RYR2: variants seen among roughly 807,000 people sequenced by gnomAD.
RYR2 encodes the protein cardiac muscle ryanodine receptor-calcium release channel.
RYR2 carries 227 observed loss-of-function variants against 601.1 expected under a neutral mutation model. The observed-to-expected ratio is 0.38, with a 90% CI of 0.34 to 0.42. RYR2 has a LOEUF of 0.42. Ranked by LOEUF, RYR2 falls within the 10% of genes least tolerant of loss-of-function variation. The pLI, the probability that RYR2 is intolerant of heterozygous loss-of-function variation, is 1.00. For missense variants in RYR2, 4,646 were observed against 6,156.5 expected, an observed-to-expected ratio of 0.75 and a Z score of 8.21; for synonymous variants, 2,223 against 2,175.1, an observed-to-expected ratio of 1.02 and a Z score of -0.61.
chr1:237,779,751 C>G (rs939138324), intron 88 of RYR2, among the ~76,000 whole-genome samples: 2 of 152,150 alleles, frequency 1.3e-5, no homozygotes, highest in African/African-American at 4.8e-5. Context: ...CGAATAAGGA[C>G]AGATTTTAAT....
At chr1:237,275,595 T>G (rs1029797410) in intron 2 of RYR2, among the ~76,000 whole-genome samples, 1 of 151,532 alleles carries the variant, frequency 6.6e-6, no homozygotes, top group Non-Finnish European at 1.5e-5. Context: ...CCTCAGAAGT[T>G]GCAAAGAGAA....
At chr1:237,489,730 T>C (rs1663112583) in intron 17 of RYR2, among the ~76,000 whole-genome samples, 1 of 152,158 alleles carries the variant, frequency 6.6e-6, no homozygotes, top group Non-Finnish European at 1.5e-5. Flanking sequence ...AGTTTGGAGA[T>C]TTATCAAAAA....
At chr1:237,368,057 A>G (rs1700344533) in intron 5 of RYR2, among the ~76,000 whole-genome samples, 1 of 152,148 alleles carries the variant, frequency 6.6e-6, no homozygotes, top group Admixed American at 6.5e-5. Flanking sequence ...GGGGAGAGTG[A>G]GTAGCTTTGA....
At chr1:237,152,785 A>G (rs1674872748) in intron 1 of RYR2, among the ~76,000 whole-genome samples, 1 of 152,208 alleles carries the variant, frequency 6.6e-6, no homozygotes, top group South Asian at 2.1e-4. Flanking sequence ...AGCAATTGCA[A>G]CAAAAGCTGA....
intron 1 of RYR2, among the ~76,000 whole-genome samples, chr1:237,074,109 G>A (rs1476487257): frequency 6.6e-6 from 1 of 151,994 alleles, no homozygotes; most frequent in African/African-American, 2.4e-5. Flanking sequence ...TTGAGCCTAG[G>A]AGTTTGAAAC....
intron 1 of RYR2, among the ~76,000 whole-genome samples, chr1:237,268,239 G>A (rs1689262578): frequency 6.6e-6 from 1 of 152,202 alleles, no homozygotes; most frequent in South Asian, 2.1e-4. Flanking sequence ...ACCCAAGAGT[G>A]TAGTTTGCAT....
At chr1:237,763,532 G>A (rs551883989) in intron 84 of RYR2, among the ~76,000 whole-genome samples, 4 of 152,288 alleles carry the variant, frequency 2.6e-5, no homozygotes, top group African/African-American at 9.6e-5. Flanking sequence ...TCAAAGAGCA[G>A]TAGAAACAAT....
chr1:237,445,364 C>A, intron 13 of RYR2, 37 bp from the exon 14 acceptor site: 3 of 1,610,014 alleles, frequency 1.9e-6, no homozygotes, highest in Non-Finnish European at 2.5e-6. Context: ...GGAAAAGAGA[C>A]GTTGGGAGTA....
intron 14 of RYR2, among the ~76,000 whole-genome samples, chr1:237,447,591 A>C (rs1024048974): frequency 1.3e-5 from 2 of 152,122 alleles, no homozygotes; most frequent in African/African-American, 4.8e-5. Context: ...TCTGATTCCC[A>C]GTCTCATTTT....
intron 79 of RYR2, 37 bp downstream of exon 79, chr1:237,733,793 T>A (rs1273554013): frequency 2.2e-6 from 3 of 1,356,272 alleles, no homozygotes; most frequent in Non-Finnish European, 3.2e-6. Flanking sequence ...ATGTTTAATT[T>A]TAATAAAGGG....
chr1:237,575,314 G>A (rs561116166), intron 29 of RYR2, among the ~76,000 whole-genome samples: 4 of 152,226 alleles, frequency 2.6e-5, no homozygotes, highest in South Asian at 2.1e-4. Context: ...AAGAACCTAG[G>A]AGGAGCTCTC....
At chr1:237,351,395 C>A (rs1698828920) in intron 3 of RYR2, among the ~76,000 whole-genome samples, 1 of 151,940 alleles carries the variant, frequency 6.6e-6, no homozygotes, top group Non-Finnish European at 1.5e-5. Flanking sequence ...AAATATAAAT[C>A]ATTCAAGCCA....
chr1:237,290,445 T>C (rs1051105883), intron 2 of RYR2, among the ~76,000 whole-genome samples: 1 of 152,200 alleles, frequency 6.6e-6, no homozygotes, highest in Non-Finnish European at 1.5e-5. Context: ...GTGGTGATGA[T>C]TAGATGATTG....
intron 103 of RYR2, among the ~76,000 whole-genome samples, chr1:237,831,090 GTA>G (rs1349287064): frequency 6.6e-6 from 1 of 152,064 alleles, no homozygotes; most frequent in African/African-American, 2.4e-5. Context: ...TTAGCCAAAA[GTA>G]TAGTTTGGTA....
At chr1:237,245,161 G>A (rs268783) in intron 1 of RYR2, among the ~76,000 whole-genome samples, 37,679 of 151,636 alleles carry the variant, frequency 0.25, 4,742 homozygotes, top group East Asian at 0.29. Flanking sequence ...AGACTGCAGT[G>A]AACTATGATA....
chr1:237,155,809 TA>T (rs1385218253), intron 1 of RYR2, among the ~76,000 whole-genome samples: 2 of 152,156 alleles, frequency 1.3e-5, no homozygotes, highest in African/African-American at 4.8e-5. Context: ...TTAGAAGGCA[TA>T]AAAATTTACC....
At chr1:237,651,330 T>G in intron 50 of RYR2, 81 bp from the exon 51 acceptor site, 1 of 960,394 alleles carries the variant, frequency 1.0e-6, no homozygotes, top group Non-Finnish European at 1.6e-6. Context: ...GGTCCTTGGC[T>G]GATATAATTT....
Position 237,557,113 on chromosome 1 carries a change from G to T in RYR2, c.3214+6422G>T, listed in dbSNP as rs188916174. Among the ~76,000 whole-genome samples the T allele has an allele frequency of 7.9e-5, 12 of 152,194 alleles. No individual in the cohort carries two copies. In the East Asian group the frequency reaches 2.3e-3, roughly 29 times the overall value. On this transcript the variant is annotated intron_variant, in intron 27 of 104. Transcript: ENST00000366574. ...TGCATAACTGTTGGCTAAAGAACTCGCTTCCTCTCTGGCTGTTGGCAGAAG... is the reference window on the plus strand; with the variant it reads ...TGCATAACTGTTGGCTAAAGAACTCTCTTCCTCTCTGGCTGTTGGCAGAAG...
At chr1:237,316,542 A>G (rs959775499) in intron 2 of RYR2, among the ~76,000 whole-genome samples, 1 of 152,124 alleles carries the variant, frequency 6.6e-6, no homozygotes, top group African/African-American at 2.4e-5. Flanking sequence ...CGACAGATGT[A>G]TTATCTTCCT....
Sources: gnomAD v4.1 joint callset for allele counts (sites outside exome capture counted in the v4.1 genomes callset) on GRCh38, gnomAD v4.1.1 for gene constraint, MANE v1.5 for transcripts, NCBI Gene and HGNC (gene_info 2026-07-23, HGNC 2026-07-21) for gene names.